Variants in DIAPH2 observed in about 807,000 individuals in gnomAD.
DIAPH2 encodes the protein protein diaphanous homolog 2.
DIAPH2 carries 35 observed loss-of-function variants against 92.7 expected under a neutral mutation model. That is an observed-to-expected ratio of 0.38 (90% confidence interval 0.29 to 0.50). The LOEUF is 0.50. DIAPH2 is among the 20% of genes least tolerant of loss of function. DIAPH2 has a pLI of 0.94. For synonymous variants in DIAPH2, 301 were observed against 280.4 expected, an observed-to-expected ratio of 1.07 and a Z score of -0.73; for missense variants, 701 against 819.5, an observed-to-expected ratio of 0.86 and a Z score of 1.77.
intron 17 of DIAPH2, among the ~76,000 whole-genome samples, chrX:97,001,022 T>C (rs1271793436): frequency 7.1e-5 from 8 of 112,514 alleles, no homozygotes; most frequent in Non-Finnish European, 1.5e-4. Flanking sequence ...TTGAGAATAC[T>C]GAAGAGAGTT....
At chrX:97,123,924 A>C (rs12156669) in intron 21 of DIAPH2, among the ~76,000 whole-genome samples, 5,144 of 112,357 alleles carry the variant, frequency 0.046, 110 homozygotes, top group Non-Finnish European at 0.064. Context: ...GTGCACATAC[A>C]GATTGACTAC....
chrX:96,700,075 C>T (rs752309252), intron 1 of DIAPH2, among the ~76,000 whole-genome samples: 1 of 112,100 alleles, frequency 8.9e-6, no homozygotes, highest in East Asian at 2.8e-4. Flanking sequence ...GTGGCGCAAT[C>T]ATGGCTCACT....
intron 26 of DIAPH2, among the ~76,000 whole-genome samples, chrX:97,433,832 A>G (rs1254984312): frequency 8.9e-6 from 1 of 112,278 alleles, no homozygotes; most frequent in Non-Finnish European, 1.9e-5. Flanking sequence ...AAGACTACAG[A>G]ATAAGGCAGA....
At chrX:96,755,450 G>A (rs760421968) in intron 3 of DIAPH2, among the ~76,000 whole-genome samples, 2 of 110,901 alleles carry the variant, frequency 1.8e-5, no homozygotes, top group South Asian at 7.7e-4. Flanking sequence ...TCAGGAGATC[G>A]AGATCATCCT....
chrX:97,213,680 T>C (rs900437620), intron 22 of DIAPH2, among the ~76,000 whole-genome samples: 3 of 112,390 alleles, frequency 2.7e-5, no homozygotes, highest in African/African-American at 9.7e-5. Flanking sequence ...AAATGTACTC[T>C]TGATTTACTG....
At position 97,601,313 on chromosome X, in the gene DIAPH2, G is replaced by GAT. The variant is rs769452360; in HGVS notation, c.*1999_*2000dup. 4.4e-4 allele frequency: 49 copies of GAT among 111,659 alleles called. No individual in the cohort carries two copies. Among genetic ancestry groups the GAT allele is most frequent in the African/African-American group, 1.5e-3 (47 of 30,726 alleles). 9.2% of individuals were successfully genotyped at this position (111,659 alleles called of 1,213,427 possible). A position where few individuals can be genotyped will look rare whatever the true frequency, so the allele number is the denominator to read the frequency against. On this transcript the variant is annotated 3_prime_UTR_variant, in exon 27 of 27. Transcript: ENST00000324765. ...TCAAGCTGGTCAAGGTAGAAATACT[G>GAT]ATATGTATCATCACCTTTTCCAGAT...
At chrX:96,901,452 A>G (rs886306237) in intron 5 of DIAPH2, among the ~76,000 whole-genome samples, 1 of 90,081 alleles carries the variant, frequency 1.1e-5, no homozygotes, top group African/African-American at 4.1e-5. Context: ...TGTTGTTTGA[A>G]TTTCATTTAG....
At chrX:97,436,460 T>A (rs1285830042) in intron 26 of DIAPH2, among the ~76,000 whole-genome samples, 1 of 112,041 alleles carries the variant, frequency 8.9e-6, no homozygotes, top group Non-Finnish European at 1.9e-5. Flanking sequence ...ATGATCCTAG[T>A]TTTATGTGTC....
chrX:97,181,663 G>A (rs927954739), intron 22 of DIAPH2, among the ~76,000 whole-genome samples: 13 of 112,330 alleles, frequency 1.2e-4, no homozygotes, highest in Non-Finnish European at 3.8e-5. Flanking sequence ...ACCCGCCTCG[G>A]CCTCCCAAAG....
At chrX:96,952,729 C>CT (rs1307481390) in intron 15 of DIAPH2, among the ~76,000 whole-genome samples, 1 of 109,805 alleles carries the variant, frequency 9.1e-6, no homozygotes, top group Non-Finnish European at 1.9e-5. Flanking sequence ...GAGCAAAACT[C>CT]TGTCTCAAAA....
chrX:97,427,822 G>A (rs1860960908), intron 25 of DIAPH2, among the ~76,000 whole-genome samples: 1 of 110,500 alleles, frequency 9.0e-6, no homozygotes, highest in Non-Finnish European at 1.9e-5. Flanking sequence ...GAGTAGCTGG[G>A]ACTACAGGTG....
chrX:97,337,873 ATTTTT>A (rs772010711), intron 23 of DIAPH2, among the ~76,000 whole-genome samples: 1 of 92,732 alleles, frequency 1.1e-5, no homozygotes, highest in Admixed American at 1.2e-4. Flanking sequence ...TTATAATCTG[ATTTTT>A]TTTTTTTTTT....
chrX:96,754,228 A>T (rs897790647), intron 3 of DIAPH2, among the ~76,000 whole-genome samples: 3 of 111,654 alleles, frequency 2.7e-5, no homozygotes, highest in Non-Finnish European at 5.6e-5. Context: ...GACTTCTCTG[A>T]CCTTTCCATC....
intron 17 of DIAPH2, among the ~76,000 whole-genome samples, chrX:97,003,706 T>A (rs186233128): frequency 2.7e-5 from 3 of 112,078 alleles, no homozygotes; most frequent in African/African-American, 9.7e-5. Context: ...TGGTTATTAA[T>A]CTCTTGTCAG....
At chrX:96,758,507 C>T (rs1040804910) in intron 4 of DIAPH2, among the ~76,000 whole-genome samples, 1 of 111,601 alleles carries the variant, frequency 9.0e-6, no homozygotes, top group Non-Finnish European at 1.9e-5. Flanking sequence ...TAATCCAGTC[C>T]AGTCCTGAGC....
intron 5 of DIAPH2, among the ~76,000 whole-genome samples, chrX:96,902,706 C>T (rs760559043): frequency 9.0e-6 from 1 of 110,929 alleles, no homozygotes; most frequent in Non-Finnish European, 1.9e-5. Flanking sequence ...ACATATTTAA[C>T]CATGGTTAAG....
At chrX:96,928,377 G>A (rs5920953) in intron 9 of DIAPH2, among the ~76,000 whole-genome samples, 4,344 of 110,833 alleles carry the variant, frequency 0.039, 103 homozygotes, top group Middle Eastern at 0.085. Flanking sequence ...CACAGAATGG[G>A]TTTGTCATGT....
intron 22 of DIAPH2, among the ~76,000 whole-genome samples, chrX:97,152,795 T>C (rs2067294810): frequency 1.9e-5 from 2 of 106,274 alleles, no homozygotes; most frequent in South Asian, 8.6e-4. Context: ...TAGGGATTAA[T>C]TTTCCAACTC....
Position 97,423,801 on chromosome X carries a change from G to A in DIAPH2, c.3146-5849G>A, listed in dbSNP as rs755035324. Reference sequence around the variant, plus strand: ...TCTTTCACTCAGTTAAATAGGTATTGTATGTTGTAAAAAACACATTTTTTG... The same window carrying A: ...TCTTTCACTCAGTTAAATAGGTATTATATGTTGTAAAAAACACATTTTTTG... On this transcript the variant is annotated intron_variant, in intron 25 of 26. Transcript: ENST00000324765. 8.3e-4 allele frequency among the ~76,000 whole-genome samples: 93 copies of A among 111,779 alleles called. 2 individuals carry two copies. In the Middle Eastern group the frequency reaches 0.023, roughly 28 times the overall value.
Sources: allele counts gnomAD v4.1 joint callset (sites outside exome capture counted in the v4.1 genomes callset), GRCh38; gene constraint gnomAD v4.1.1; transcripts MANE v1.5; gene names NCBI Gene and HGNC (gene_info 2026-07-23, HGNC 2026-07-21).